RABGAP1: variants seen among roughly 807,000 people sequenced by gnomAD.
The protein encoded by RABGAP1 is RAB GTPase activating protein 1, also known as rab GTPase-activating protein 1.
In RABGAP1, 23 loss-of-function variants were observed where a neutral mutation model predicts 137.6. The observed-to-expected ratio is 0.17, with a 90% CI of 0.12 to 0.24. RABGAP1 has a LOEUF of 0.24. Ranked by LOEUF, RABGAP1 falls within the 10% of genes least tolerant of loss-of-function variation. RABGAP1 has a pLI of 1.00. For synonymous variants in RABGAP1, 451 were observed against 450.7 expected (o/e 1.00, Z -0.01); for missense variants, 906 against 1,275.8 (o/e 0.71, Z 4.42).
intron 13 of RABGAP1, among the ~76,000 whole-genome samples, chr9:123,029,197 C>T (rs745412648): frequency 1.3e-4 from 20 of 151,632 alleles, no homozygotes; most frequent in Non-Finnish European, 2.2e-4. Context: ...GAGATGAGGG[C>T]GAGGGAGGAA....
rs1467541156 is a variant in RABGAP1, at chr9:123,004,970, C to T, written c.1375-5384C>T. Among the ~76,000 whole-genome samples, 5 of 146,696 alleles carry T rather than the reference C, an allele frequency of 3.4e-5. No homozygotes were observed. The East Asian group carries it at 8.3e-4, about 24-fold the overall frequency. On this transcript the variant is annotated intron_variant, in intron 10 of 25. Transcript: ENST00000373647. ...ACTCGGGAGGCCGAGGCAGGAGAATCACTTGAACCTGGGAGGTAGAAGTTG... is the reference window on the plus strand; with the variant it reads ...ACTCGGGAGGCCGAGGCAGGAGAATTACTTGAACCTGGGAGGTAGAAGTTG...
chr9:122,985,642 C>G (rs1836333831), intron 3 of RABGAP1, among the ~76,000 whole-genome samples: 1 of 147,342 alleles, frequency 6.8e-6, no homozygotes, highest in African/African-American at 2.5e-5. Flanking sequence ...AGATGACAGT[C>G]AGAGATAGGA....
At chr9:123,076,345 A>AT in intron 18 of RABGAP1, 59 bp downstream of exon 18, 1 of 1,541,430 alleles carries the variant, frequency 6.5e-7, no homozygotes, top group Non-Finnish European at 8.9e-7. Flanking sequence ...CTTGCAATAC[A>AT]TTGGTTGTAG....
chr9:122,975,354 G>T (rs1835709354), intron 2 of RABGAP1, among the ~76,000 whole-genome samples: 1 of 152,200 alleles, frequency 6.6e-6, no homozygotes, highest in Non-Finnish European at 1.5e-5. Context: ...TATAAAATTA[G>T]AAGTAGAAAA....
chr9:123,089,785 G>A lies in RABGAP1; in HGVS notation c.2452G>A (p.Glu818Lys), dbSNP rs1349742179. ...TAGTCAGAAGAAGTTGAAAAAATACGAGAAAGAATATCACACCATGAGGGA... is the reference window on the plus strand; with the variant it reads ...TAGTCAGAAGAAGTTGAAAAAATACAAGAAAGAATATCACACCATGAGGGA... ...KISQKKLKKYEKEYHTMREQQ... is the reference protein window; with the variant it reads ...KISQKKLKKYKKEYHTMREQQ... Residue 818 changes from glutamate to lysine, a missense_variant, in exon 20 of 26, where the codon GAG (glutamate) becomes AAG (lysine). This residue lies in a region of RABGAP1 where 77 missense variants were observed against 105.6 expected (regional missense o/e 0.73). Coordinates refer to ENST00000373647, the MANE Select transcript of RABGAP1 (RefSeq NM_012197.4). The A allele has an allele frequency of 4.3e-6, 7 of 1,613,484 alleles. No homozygotes were observed. The highest frequency in any genetic ancestry group is 1.7e-5 in the Admixed American group (1 of 59,992).
intron 11 of RABGAP1, among the ~76,000 whole-genome samples, chr9:123,010,926 A>G (rs2030748702): frequency 6.6e-6 from 1 of 152,062 alleles, no homozygotes; most frequent in Non-Finnish European, 1.5e-5. Context: ...CCTTTTTACC[A>G]AATATATTTA....
intron 1 of RABGAP1, among the ~76,000 whole-genome samples, chr9:122,950,122 T>A (rs1834151247): frequency 6.6e-6 from 1 of 152,184 alleles, no homozygotes; most frequent in African/African-American, 2.4e-5. Context: ...ATGGGATATA[T>A]GATCAGATCT....
chr9:123,041,810 A>G (rs2032965612), intron 13 of RABGAP1, among the ~76,000 whole-genome samples: 1 of 152,218 alleles, frequency 6.6e-6, no homozygotes, highest in Non-Finnish European at 1.5e-5. Context: ...TTGGATTGCT[A>G]AGATGTCCCT....
intron 13 of RABGAP1, among the ~76,000 whole-genome samples, chr9:123,045,904 A>G (rs901272572): frequency 6.6e-6 from 1 of 152,206 alleles, no homozygotes. Flanking sequence ...GGGGCATTGT[A>G]GGAACTCAGT....
chr9:123,076,323 C>T, intron 18 of RABGAP1, 37 bp downstream of exon 18: 2 of 1,577,462 alleles, frequency 1.3e-6, no homozygotes, highest in East Asian at 2.2e-5. Flanking sequence ...ATCTGTCATT[C>T]CCTGCTCTGC....
intron 1 of RABGAP1, among the ~76,000 whole-genome samples, chr9:122,949,956 C>G (rs142125016): frequency 6.6e-6 from 1 of 152,232 alleles, no homozygotes; most frequent in Non-Finnish European, 1.5e-5. Context: ...CATTAAAATG[C>G]ATGACATATT....
At chr9:123,047,473 C>T (rs904795003) in intron 13 of RABGAP1, among the ~76,000 whole-genome samples, 5 of 152,084 alleles carry the variant, frequency 3.3e-5, no homozygotes, top group African/African-American at 9.7e-5. Context: ...TACATAGATA[C>T]TAATATACTT....
At chr9:122,938,054 T>TAG (rs975826255), upstream of RABGAP1, 4 of 152,146 alleles carry the variant, frequency 2.6e-5, no homozygotes, top group Non-Finnish European at 5.9e-5. Flanking sequence ...AAAATTTACA[T>TAG]AGAGGGGTTC....
intron 1 of RABGAP1, among the ~76,000 whole-genome samples, chr9:122,949,334 G>A (rs1193696853): frequency 6.6e-6 from 1 of 152,052 alleles, no homozygotes; most frequent in Non-Finnish European, 1.5e-5. Flanking sequence ...CCAACATGGC[G>A]AAACCCCGTC....
At chr9:123,071,363 A>G (rs1211468675) in intron 15 of RABGAP1, 1 of 152,210 alleles carries the variant, frequency 6.6e-6, no homozygotes, top group Non-Finnish European at 1.5e-5. Flanking sequence ...ACAAATTGTC[A>G]TATAAAATGT....
At chr9:123,001,797 A>G (rs1270749980) in intron 10 of RABGAP1, among the ~76,000 whole-genome samples, 2 of 152,204 alleles carry the variant, frequency 1.3e-5, no homozygotes, top group Admixed American at 1.3e-4. Context: ...CATGCTTAGA[A>G]TAGTTCCCAG....
At chr9:123,001,291 A>T (rs1194449399) in intron 10 of RABGAP1, among the ~76,000 whole-genome samples, 1 of 152,208 alleles carries the variant, frequency 6.6e-6, no homozygotes, top group Non-Finnish European at 1.5e-5. Context: ...GACTTATCCC[A>T]AGTACCTGGA....
rs1332116219 is a variant in RABGAP1 at position 123,103,228 on chromosome 9, T to C, written c.*15T>C. 1 of 1,612,704 alleles carries C rather than the reference T, an allele frequency of 6.2e-7. No individual in the cohort carries two copies. Among genetic ancestry groups the C allele is most frequent in the Admixed American group, 1.7e-5 (1 of 59,740 alleles). On this transcript the variant is annotated 3_prime_UTR_variant, in exon 26 of 26. Transcript: ENST00000373647. ...AGACTTGCTGAGAGCAGCTGCCGCCTCCCGACACCTTCAGAAAACACGACA... is the reference window on the plus strand; with the variant it reads ...AGACTTGCTGAGAGCAGCTGCCGCCCCCCGACACCTTCAGAAAACACGACA...
chr9:122,996,810 T>C (rs1837043110), intron 8 of RABGAP1, among the ~76,000 whole-genome samples: 2 of 152,220 alleles, frequency 1.3e-5, no homozygotes, highest in Non-Finnish European at 2.9e-5. Context: ...GTCTGTTAAC[T>C]GTGTGGTGGT....
Sources: allele counts gnomAD v4.1 joint callset (sites outside exome capture counted in the v4.1 genomes callset), GRCh38; gene constraint gnomAD v4.1.1; regional missense constraint gnomAD v4.1.1; transcripts MANE v1.5; gene names NCBI Gene and HGNC (gene_info 2026-07-23, HGNC 2026-07-21).